Variants in PHKA1 observed in about 807,000 individuals in gnomAD.
PHKA1 encodes phosphorylase b kinase regulatory subunit alpha, skeletal muscle isoform.
Under a neutral mutation model 110.2 loss-of-function variants are expected in PHKA1, and 60 were observed. The ratio of observed to expected loss-of-function variants is 0.54; its 90% CI spans 0.44 to 0.68. The LOEUF is 0.68. Ranked by LOEUF, PHKA1 falls within the 30% of genes least tolerant of loss-of-function variation. The probability of loss-of-function intolerance (pLI) is 0.00; values close to 1 mark genes in which losing one functional copy is unlikely to be tolerated. For synonymous variants in PHKA1, 316 were observed against 333.6 expected, an observed-to-expected ratio of 0.95 and a Z score of 0.58; for missense variants, 801 against 942.5, an observed-to-expected ratio of 0.85 and a Z score of 1.97.
At chrX:72,680,747 GC>G (rs1403118444) in intron 5 of PHKA1, among the ~76,000 whole-genome samples, 1 of 95,327 alleles carries the variant, frequency 1.0e-5, no homozygotes, top group African/African-American at 4.1e-5. Flanking sequence ...ACCGACCGCA[GC>G]CGCCGCCGCC....
intron 5 of PHKA1, among the ~76,000 whole-genome samples, chrX:72,679,820 A>G (rs1210506106): frequency 1.8e-5 from 2 of 110,383 alleles, no homozygotes; most frequent in Non-Finnish European, 3.8e-5. Context: ...AGCCTAATAC[A>G]CATGTTATTG....
chrX:72,678,785 G>C lies in PHKA1; in HGVS notation c.538-2635C>G, dbSNP rs1184142882. Among the ~76,000 whole-genome samples the C allele has an allele frequency of 2.7e-5, 3 of 112,287 alleles. No homozygotes were observed. In the East Asian group the frequency reaches 8.3e-4, roughly 31 times the overall value. ...AATACAATGAACACTACACAATGAA[G>C]GACAGTGATTTCTGAGAAAGGGCAG... On this transcript the variant is annotated intron_variant, in intron 5 of 31. Coordinates refer to ENST00000373542, the MANE Select transcript of PHKA1 (RefSeq NM_002637.4).
chrX:72,711,011 G>A (rs2147851432), intron 2 of PHKA1, among the ~76,000 whole-genome samples: 1 of 106,282 alleles, frequency 9.4e-6, no homozygotes, highest in South Asian at 4.3e-4. Flanking sequence ...ACAGGCGCCC[G>A]CTACCACGCC....
In PHKA1 at chrX:72,602,168, T is replaced by A; in HGVS notation, c.3023A>T (p.Glu1008Val). The part of the protein sequence containing the change: ...ERTGIMQLKS[E>V]IKQVEFRRLS... Reference sequence around the variant, plus strand: ...CAGGTAGTATCTTACCTGCTTTATCTCACTTTTTAACTGCATGATCCCAGT... The same window carrying A: ...CAGGTAGTATCTTACCTGCTTTATCACACTTTTTAACTGCATGATCCCAGT... The change falls in exon 27 of 32, where the codon GAG becomes GTG. Residue 1008 changes from glutamate (E) to valine (V), a missense_variant. Glu to Val is a moderately radical substitution (Grantham distance 121). Transcript: ENST00000373542. 1 of 1,189,051 alleles carries A rather than the reference T, an allele frequency of 8.4e-7. No homozygotes were observed. The highest frequency in any genetic ancestry group is 1.1e-6 in the Non-Finnish European group (1 of 875,291).
intron 4 of PHKA1, among the ~76,000 whole-genome samples, chrX:72,693,889 C>T (rs2054072371): frequency 8.9e-6 from 1 of 111,928 alleles, no homozygotes; most frequent in African/African-American, 3.2e-5. Context: ...ACTCAAATGC[C>T]ACACTCCCTC....
intron 6 of PHKA1, among the ~76,000 whole-genome samples, chrX:72,670,096 C>T (rs1420234495): frequency 9.0e-6 from 1 of 111,710 alleles, no homozygotes; most frequent in Non-Finnish European, 1.9e-5. Flanking sequence ...GATGGTATCT[C>T]GTTGTGGTTT....
intron 6 of PHKA1, among the ~76,000 whole-genome samples, chrX:72,673,292 G>GA (rs1163626611): frequency 1.8e-5 from 2 of 111,202 alleles, no homozygotes; most frequent in African/African-American, 6.5e-5. Flanking sequence ...TACTGGTTCA[G>GA]AAAAAAACAA....
chrX:72,584,101 T>TA lies in PHKA1; in HGVS notation c.3297+147dup, dbSNP rs782124438. ...TTATTCTATAATATTCTCTTTCCAT[T>TA]AAAAAAATTGTCTTTTCTTCAAATG... is the stretch of plus-strand genomic sequence containing the variant. On this transcript the variant is annotated intron_variant, in intron 30 of 31. Transcript: ENST00000373542. The TA allele has an allele frequency of 4.8e-4, 247 of 517,258 alleles. 2 individuals carry two copies. In the East Asian group the frequency reaches 8.7e-3, roughly 18 times the overall value. The allele number at this position is 517,258 out of a possible 1,213,427, so 42.6% of individuals were successfully genotyped here.
chrX:72,582,677 A>G, intron 30 of PHKA1, 79 bp from the exon 31 acceptor site: 1 of 630,398 alleles, frequency 1.6e-6, no homozygotes, highest in Non-Finnish European at 2.6e-6. Flanking sequence ...GAAAGGCAGT[A>G]AAAACACTGT....
intron 8 of PHKA1, among the ~76,000 whole-genome samples, chrX:72,661,134 T>G (rs1281426210): frequency 8.9e-6 from 1 of 112,494 alleles, no homozygotes; most frequent in African/African-American, 3.2e-5. Context: ...AACTTTTCAT[T>G]TGGAGTTTGA....
At chrX:72,696,055 GTTA>G (rs1458401424) in intron 3 of PHKA1, among the ~76,000 whole-genome samples, 179 bp from the exon 4 acceptor site, 1 of 111,946 alleles carries the variant, frequency 8.9e-6, no homozygotes, top group African/African-American at 3.2e-5. Flanking sequence ...TGGAAAGTCT[GTTA>G]TTGTTGTTTT....
In PHKA1 at chrX:72,635,188, T is replaced by C; in HGVS notation, c.1681A>G (p.Thr561Ala). Residue 561 changes from threonine to alanine, a missense_variant, in exon 16 of 32, where the codon ACC (threonine) becomes GCC (alanine). Thr to Ala is a moderately conservative substitution (Grantham distance 58). Around this residue, in one of 2 missense-constraint regions of PHKA1, gnomAD observed 502 missense variants for 519.2 expected, o/e 0.97. Transcript: ENST00000373542. ...CTGTGTGAGATGGGGAAGGTGATGG[T>C]GGGCTGGCCTGTCATCCGCCAGCGG... ...CSRWRMTGQPTITFPISHSML... is the reference protein window; with the variant it reads ...CSRWRMTGQPAITFPISHSML... The C allele has an allele frequency of 8.3e-7, 1 of 1,211,891 alleles. No homozygotes were observed. Among genetic ancestry groups the C allele is most frequent in the Non-Finnish European group, 1.1e-6 (1 of 895,483 alleles).
At chrX:72,608,285 G>A (rs1312742193) in intron 23 of PHKA1, among the ~76,000 whole-genome samples, 1 of 111,383 alleles carries the variant, frequency 9.0e-6, no homozygotes, top group African/African-American at 3.3e-5. Context: ...TCCTACTGTG[G>A]CTGAGCTGGT....
rs781965485 is a variant in PHKA1 at position 72,650,441 on chromosome X, G to T, written c.1273C>A (p.Pro425Thr). 3 of 1,208,632 alleles carry T rather than the reference G, an allele frequency of 2.5e-6. No individual in the cohort carries two copies. Among genetic ancestry groups the T allele is most frequent in the South Asian group, 3.5e-5 (2 of 56,732 alleles). Residue 425 changes from proline to threonine, a missense_variant, in exon 13 of 32, where the codon CCC becomes ACC. This residue lies in a region of PHKA1 where 299 missense variants were observed against 423.3 expected (regional missense o/e 0.71). Coordinates refer to ENST00000373542, the MANE Select transcript of PHKA1 (RefSeq NM_002637.4). ...EGFLAPGEID[P>T]LNRRFSTVPK... ...ACAGTAGAAAACCTGCGATTCAGGG[G>T]ATCAATTTCTCCAGGGGCTAAAAAT...
chrX:72,677,142 T>A (rs1359797592), intron 5 of PHKA1, among the ~76,000 whole-genome samples: 18 of 112,129 alleles, frequency 1.6e-4, no homozygotes, highest in African/African-American at 5.8e-4. Context: ...ATTTAGTAGA[T>A]TTTCCTCAAT....
rs149354112 is a variant in PHKA1, at chrX:72,684,543, G to A, written c.492C>T (p.Phe164=). The A allele has an allele frequency of 7.6e-4, 896 of 1,182,800 alleles. 2 individuals carry two copies. The African/African-American group carries it at 0.014, about 19-fold the overall frequency. Residue 164 remains phenylalanine, a synonymous_variant, in exon 5 of 32, where the codon TTC becomes TTT. Transcript: ENST00000373542. ...CAATGTAAAACACAAGGTTCTGTAT[G>A]AAATTGACTTCATCTAGGCTGTGGA... ...HIIHSLDEVN[F]IQNLVFYIEA...
intron 18 of PHKA1, chrX:72,622,382 G>T (rs1489190054): frequency 1.3e-6 from 1 of 754,110 alleles, no homozygotes. Flanking sequence ...CCCAGACAAT[G>T]AAAGCAGGCA....
chrX:72,627,690 TAGAAC>T (rs1372702956), intron 16 of PHKA1, among the ~76,000 whole-genome samples: 1 of 111,331 alleles, frequency 9.0e-6, no homozygotes, highest in African/African-American at 3.3e-5. Flanking sequence ...TTCTTACAAG[TAGAAC>T]TATTAGGACA....
At chrX:72,668,691 G>A (rs1342106705) in intron 6 of PHKA1, among the ~76,000 whole-genome samples, 1 of 111,011 alleles carries the variant, frequency 9.0e-6, no homozygotes, top group Non-Finnish European at 1.9e-5. Flanking sequence ...AGTTGGCCAG[G>A]CACAAAATAC....
Sources: gnomAD v4.1 joint callset for allele counts (sites outside exome capture counted in the v4.1 genomes callset) on GRCh38, gnomAD v4.1.1 for gene constraint, gnomAD v4.1.1 regional missense constraint, MANE v1.5 for transcripts, NCBI Gene and HGNC (gene_info 2026-07-23, HGNC 2026-07-21) for gene names.